The following HEMK2 variants were observed in gnomAD, a reference collection of about 807,000 sequenced individuals.
HEMK2 encodes HemK methyltransferase 2, ETF1 glutamine and histone H4 lysine.
chr21:28,793,572 T>A, the HEMK2 span, among the ~76,000 whole-genome samples: 2 of 152,238 alleles, frequency 1.3e-5, no homozygotes, highest in African/African-American at 4.8e-5. Flanking sequence ...GTGAAATGAC[T>A]AATGATAAAA....
At chr21:28,634,617 G>A in the HEMK2 span, among the ~76,000 whole-genome samples, 1 of 152,160 alleles carries the variant, frequency 6.6e-6, no homozygotes, top group Non-Finnish European at 1.5e-5. Context: ...AGTATGCACA[G>A]GGCTTATGAA....
At chr21:28,840,604 C>A in the HEMK2 span, among the ~76,000 whole-genome samples, 1 of 152,008 alleles carries the variant, frequency 6.6e-6, no homozygotes, top group East Asian at 1.9e-4. Flanking sequence ...GTGAAAAATG[C>A]TCAACATTAA....
At chr21:28,679,122 C>T in the HEMK2 span, among the ~76,000 whole-genome samples, 2 of 152,036 alleles carry the variant, frequency 1.3e-5, no homozygotes, top group African/African-American at 4.8e-5. Flanking sequence ...GAGTCAAGAC[C>T]CATCAGTGTG....
the HEMK2 span, chr21:28,876,242 T>G: frequency 3.3e-5 from 17 of 511,258 alleles, no homozygotes; most frequent in Non-Finnish European, 1.7e-5. Flanking sequence ...TCTATAGGCC[T>G]GACTGAAAGG....
the HEMK2 span, among the ~76,000 whole-genome samples, chr21:28,646,507 C>T: frequency 1.3e-5 from 2 of 152,170 alleles, no homozygotes; most frequent in Non-Finnish European, 2.9e-5. Context: ...GAGGGTATTT[C>T]AGTTATCTGT....
chr21:28,601,589 T>A, the HEMK2 span, among the ~76,000 whole-genome samples: 1 of 149,386 alleles, frequency 6.7e-6, no homozygotes, highest in Non-Finnish European at 1.5e-5. Flanking sequence ...TCCCTAGCAT[T>A]AGTCACCTTC....
At chr21:28,582,246 T>C in the HEMK2 span, among the ~76,000 whole-genome samples, 1 of 152,194 alleles carries the variant, frequency 6.6e-6, no homozygotes, top group Non-Finnish European at 1.5e-5. Flanking sequence ...TTAGTCTCGC[T>C]TTGTTCCAGG....
chr21:28,678,019 C>A, the HEMK2 span, among the ~76,000 whole-genome samples: 1 of 152,206 alleles, frequency 6.6e-6, no homozygotes, highest in Non-Finnish European at 1.5e-5. Context: ...CAGCTCCTCA[C>A]CAGCAATGGA....
At chr21:28,629,765 A>T in the HEMK2 span, among the ~76,000 whole-genome samples, 1 of 152,178 alleles carries the variant, frequency 6.6e-6, no homozygotes, top group South Asian at 2.1e-4. Flanking sequence ...TTATCTTTCC[A>T]TAGAGACATA....
At chr21:28,877,244 G>A in the HEMK2 span, among the ~76,000 whole-genome samples, 13 of 133,150 alleles carry the variant, frequency 9.8e-5, no homozygotes, top group African/African-American at 2.6e-4. Flanking sequence ...AGGAAGGGAA[G>A]GGAAGGGAAG....
At chr21:28,791,955 A>G in the HEMK2 span, among the ~76,000 whole-genome samples, 2 of 152,132 alleles carry the variant, frequency 1.3e-5, no homozygotes, top group Non-Finnish European at 1.5e-5. Context: ...AAAAAAAGAA[A>G]GCCCACCAAA....
the HEMK2 span, among the ~76,000 whole-genome samples, chr21:28,595,329 TACCACA>T: frequency 6.6e-6 from 1 of 150,754 alleles, no homozygotes; most frequent in Non-Finnish European, 1.5e-5. Flanking sequence ...CACCTCCCCC[TACCACA>T]ACCCTTCCCA....
chr21:28,728,151 T>A, the HEMK2 span, among the ~76,000 whole-genome samples: 1 of 152,212 alleles, frequency 6.6e-6, no homozygotes, highest in African/African-American at 2.4e-5. Flanking sequence ...ACAGTGGCAA[T>A]AGGAAACTAA....
At chr21:28,649,130 C>T in the HEMK2 span, among the ~76,000 whole-genome samples, 13 of 152,228 alleles carry the variant, frequency 8.5e-5, no homozygotes, top group South Asian at 8.3e-4. Flanking sequence ...TTCTTCTCTA[C>T]GCCACGGTAC....
At chr21:28,647,321 T>TAAAA in the HEMK2 span, among the ~76,000 whole-genome samples, 37 of 46,170 alleles carry the variant, frequency 8.0e-4, no homozygotes, top group South Asian at 9.9e-4. Flanking sequence ...CCATCTCTAC[T>TAAAA]AAAAAAAAAA....
the HEMK2 span, among the ~76,000 whole-genome samples, chr21:28,776,294 A>G: frequency 6.6e-6 from 1 of 152,350 alleles, no homozygotes; most frequent in African/African-American, 2.4e-5. Flanking sequence ...GCTGAAGTCA[A>G]GACATCTTTT....
At chr21:28,641,845 A>G in the HEMK2 span, among the ~76,000 whole-genome samples, 1 of 152,214 alleles carries the variant, frequency 6.6e-6, no homozygotes, top group Non-Finnish European at 1.5e-5. Context: ...CCATATTCAG[A>G]GCAGCCACTT....
chr21:28,681,062 C>T, the HEMK2 span, among the ~76,000 whole-genome samples: 2 of 152,096 alleles, frequency 1.3e-5, no homozygotes, highest in African/African-American at 4.8e-5. Context: ...GGCAATTAGG[C>T]AGGAGAAGGA....
the HEMK2 span, among the ~76,000 whole-genome samples, chr21:28,631,533 A>T: frequency 1.3e-5 from 2 of 152,182 alleles, no homozygotes; most frequent in African/African-American, 4.8e-5. Flanking sequence ...TATAACTAGC[A>T]TACAATTTGC....
Sources: allele counts gnomAD v4.1 joint callset (sites outside exome capture counted in the v4.1 genomes callset), GRCh38; gene constraint gnomAD v4.1.1; transcripts MANE v1.5; gene names NCBI Gene and HGNC (gene_info 2026-07-23, HGNC 2026-07-21).